Variants in MAML1 observed in about 807,000 individuals in gnomAD.
MAML1 encodes the protein mastermind like transcriptional coactivator 1.
Under a neutral mutation model 77.1 loss-of-function variants are expected in MAML1, and 14 were observed. That is an observed-to-expected ratio of 0.18 (90% CI 0.12 to 0.28). The LOEUF (loss-of-function observed/expected upper bound fraction) is 0.28, where lower values mean the gene tolerates loss of function less well. Ranked by LOEUF, MAML1 falls within the 10% of genes least tolerant of loss-of-function variation. The pLI is 1.00. For missense variants in MAML1, 1,217 were observed against 1,327.8 expected, an observed-to-expected ratio of 0.92 and a Z score of 1.30; for synonymous variants, 516 against 551.9, an observed-to-expected ratio of 0.93 and a Z score of 0.91.
At chr5:179,761,513 T>A (rs924299793) in intron 1 of MAML1, among the ~76,000 whole-genome samples, 1 of 152,134 alleles carries the variant, frequency 6.6e-6, no homozygotes, top group Middle Eastern at 3.2e-3. Flanking sequence ...CTGGCCAACA[T>A]GGCGAAACCC....
chr5:179,752,350 A>AAAATAT lies in MAML1; in HGVS notation c.316-12975_316-12974insAATATA, dbSNP rs1554150144. On this transcript the variant is annotated intron_variant, in intron 1 of 4. Coordinates refer to ENST00000292599, the MANE Select transcript of MAML1 (RefSeq NM_014757.5). ...CAAAAAAAAAAAAAAAAAAAAAAAA[A>AAAATAT]ATATATATATATATATGGTTAAATA... Among the ~76,000 whole-genome samples the AAAATAT allele has an allele frequency of 8.4e-4, 56 of 66,720 alleles. 1 individual carries two copies. Among genetic ancestry groups the AAAATAT allele is most frequent in the African/African-American group, 1.6e-3 (24 of 14,818 alleles). 43.8% of individuals were successfully genotyped at this position (66,720 alleles called of 152,430 possible). A position where few individuals can be genotyped will look rare whatever the true frequency, so the allele number is the denominator to read the frequency against.
intron 1 of MAML1, among the ~76,000 whole-genome samples, chr5:179,744,217 C>T (rs534358871): frequency 3.6e-4 from 55 of 152,184 alleles, no homozygotes; most frequent in Middle Eastern, 3.4e-3. Flanking sequence ...TGGAGTCTTG[C>T]TCTGTTGCCC....
chr5:179,759,234 G>T (rs1293986376), intron 1 of MAML1, among the ~76,000 whole-genome samples: 3 of 152,132 alleles, frequency 2.0e-5, no homozygotes, highest in African/African-American at 4.8e-5. Context: ...TCTGACAAAG[G>T]GAGTCTGTCG....
At chr5:179,753,654 A>ATTTTTTTTTT (rs1209995171) in intron 1 of MAML1, among the ~76,000 whole-genome samples, 5 of 88,850 alleles carry the variant, frequency 5.6e-5, no homozygotes, top group Admixed American at 1.7e-4. Flanking sequence ...TATTATTATT[A>ATTTTTTTTTT]TTTTTTTTTT....
chr5:179,765,820 G>T lies in MAML1; in HGVS notation c.810G>T (p.Leu270=), dbSNP rs774092069. 6.2e-7 allele frequency: 1 copy of T among 1,614,074 alleles called. No homozygotes were observed. Among genetic ancestry groups the T allele is most frequent in the Non-Finnish European group, 8.5e-7 (1 of 1,180,048 alleles). ...RSVPDEDMKD[L]FNEDFEEKKD... is the part of the protein sequence containing the mutation. The stretch of plus-strand genomic sequence containing the variant: ...TGCCCGATGAAGACATGAAGGACCT[G>T]TTTAATGAGGACTTCGAGGAGAAGA... Residue 270 remains leucine, a synonymous_variant, in exon 2 of 5, where the codon CTG becomes CTT. Coordinates refer to ENST00000292599, the MANE Select transcript of MAML1 (RefSeq NM_014757.5).
In MAML1 at chr5:179,775,664, A is replaced by C. The variant is rs1756121779; in HGVS notation, c.*787A>C. The C allele has an allele frequency of 1.0e-6, 1 of 985,412 alleles. No homozygotes were observed. Among genetic ancestry groups the C allele is most frequent in the Admixed American group, 6.1e-5 (1 of 16,282 alleles). The allele number at this position is 985,412 out of a possible 1,614,324, so 61.0% of individuals were successfully genotyped here. On this transcript the variant is annotated 3_prime_UTR_variant, in exon 5 of 5. Transcript: ENST00000292599. ...AGCAGGACCCCAGGCTACATATGGA[A>C]GGTAGAGATGTGGGGGTCCTGTATC...
intron 1 of MAML1, among the ~76,000 whole-genome samples, chr5:179,746,589 T>A (rs1779389020): frequency 6.6e-6 from 1 of 151,942 alleles, no homozygotes; most frequent in African/African-American, 2.4e-5. Context: ...GTCAGGCTGG[T>A]CTTGAACTCC....
intron 1 of MAML1, among the ~76,000 whole-genome samples, chr5:179,758,250 T>C (rs1328715251): frequency 1.3e-5 from 2 of 152,216 alleles, no homozygotes. Context: ...TAGGGATCTT[T>C]AGTTCTTATC....
chr5:179,767,282 G>A (rs1266898844), intron 2 of MAML1, among the ~76,000 whole-genome samples: 4 of 152,020 alleles, frequency 2.6e-5, no homozygotes, highest in African/African-American at 7.2e-5. Context: ...GTTGTTTCCT[G>A]TTTTCCGCTA....
At chr5:179,753,507 G>GT (rs1190022804) in intron 1 of MAML1, among the ~76,000 whole-genome samples, 1 of 152,120 alleles carries the variant, frequency 6.6e-6, no homozygotes, top group Non-Finnish European at 1.5e-5. Context: ...GGTCAAAGGA[G>GT]TTTGAGGAGT....
intron 1 of MAML1, among the ~76,000 whole-genome samples, chr5:179,751,615 G>A (rs930629914): frequency 1.3e-5 from 2 of 152,160 alleles, no homozygotes; most frequent in Non-Finnish European, 2.9e-5. Flanking sequence ...TGAGGCAGGA[G>A]AATCACTTGA....
At chr5:179,749,388 A>T (rs958385490) in intron 1 of MAML1, among the ~76,000 whole-genome samples, 4 of 152,198 alleles carry the variant, frequency 2.6e-5, no homozygotes, top group Non-Finnish European at 4.4e-5. Flanking sequence ...GGCCTCCCAA[A>T]GTACTGGGAT....
intron 1 of MAML1, among the ~76,000 whole-genome samples, chr5:179,749,823 T>A (rs1003863125): frequency 6.6e-6 from 1 of 151,112 alleles, no homozygotes; most frequent in East Asian, 2.0e-4. Context: ...CAGGCCATGG[T>A]GAGCTTAGAA....
intron 1 of MAML1, among the ~76,000 whole-genome samples, chr5:179,734,822 G>T (rs1356510701): frequency 6.6e-6 from 1 of 152,074 alleles, no homozygotes; most frequent in Non-Finnish European, 1.5e-5. Context: ...ACATCACCAT[G>T]CCTGGCTAAA....
intron 3 of MAML1, among the ~76,000 whole-genome samples, chr5:179,770,402 G>A (rs13172893): frequency 0.46 from 69,199 of 151,730 alleles, 16,987 homozygotes; most frequent in South Asian, 0.62. Context: ...AGCAGAGATC[G>A]CGCCACTGCA....
In MAML1 at chr5:179,760,626, A is replaced by G. The variant is rs182992278; in HGVS notation, c.316-4700A>G. Among the ~76,000 whole-genome samples the G allele has an allele frequency of 2.7e-3, 405 of 152,264 alleles. 1 individual carries two copies. The highest frequency in any genetic ancestry group is 0.01 in the Middle Eastern group (3 of 294). ...TGTTCAGTCATGGGAATTTGAAGGC[A>G]TGGGAATGTGTGAAATCTCTCAGGT... On this transcript the variant is annotated intron_variant, in intron 1 of 4. Transcript: ENST00000292599.
intron 2 of MAML1, among the ~76,000 whole-genome samples, chr5:179,767,676 C>A (rs1779847272): frequency 6.6e-6 from 1 of 152,226 alleles, no homozygotes; most frequent in South Asian, 2.1e-4. Context: ...TCAGCACCCC[C>A]TGAAGAGAGG....
chr5:179,758,909 A>G (rs964704996), intron 1 of MAML1, among the ~76,000 whole-genome samples: 5 of 152,066 alleles, frequency 3.3e-5, no homozygotes, highest in African/African-American at 9.7e-5. Flanking sequence ...AGGCTGAGGC[A>G]GGAGAATAGC....
Position 179,733,070 on chromosome 5 carries a change from CGA to C in MAML1, c.-39_-38del. ...CGAAGCCCGCAGTGCCAGCCGGCCC[CGA>C]GAGGCCCGGCCCCGGGCCCGGCCCG... On this transcript the variant is annotated 5_prime_UTR_variant, in exon 1 of 5. Coordinates refer to ENST00000292599, the MANE Select transcript of MAML1 (RefSeq NM_014757.5). The C allele has an allele frequency of 8.2e-7, 1 of 1,213,048 alleles. No homozygotes were observed. Among genetic ancestry groups the C allele is most frequent in the Non-Finnish European group, 1.0e-6 (1 of 962,930 alleles). The allele number at this position is 1,213,048 out of a possible 1,614,324, so 75.1% of individuals were successfully genotyped here.
Sources: gnomAD v4.1 joint callset for allele counts (sites outside exome capture counted in the v4.1 genomes callset) on GRCh38, gnomAD v4.1.1 for gene constraint, MANE v1.5 for transcripts, NCBI Gene and HGNC (gene_info 2026-07-23, HGNC 2026-07-21) for gene names.